Variants in ZP3 observed in about 807,000 individuals in gnomAD.
ZP3 encodes the protein zona pellucida sperm-binding protein 3.
A neutral mutation model predicts 35.6 loss-of-function variants in ZP3; 21 were observed. That is an observed-to-expected ratio of 0.59 (90% CI 0.42 to 0.85). ZP3 has a LOEUF of 0.85. Among genes scored for constraint, ZP3 ranks in the 40% least tolerant of loss-of-function variants. The pLI, the probability that ZP3 is intolerant of heterozygous loss-of-function variation, is 0.00. For synonymous variants in ZP3, 207 were observed against 214.5 expected (o/e 0.96, Z 0.31); for missense variants, 437 against 536.5 (o/e 0.81, Z 1.83).
upstream of ZP3, among the ~76,000 whole-genome samples, chr7:76,423,150 C>T (rs1342380741): frequency 1.3e-5 from 2 of 148,454 alleles, no homozygotes; most frequent in East Asian, 4.0e-4. Flanking sequence ...TATGCCCAGA[C>T]ATAAAGGAGG....
At position 76,425,015 on chromosome 7, in the gene ZP3, T is replaced by C. The variant is rs1805606486; in HGVS notation, c.51T>C (p.Thr17=). The part of the protein sequence containing the change: ...LFICLLLWGS[T]ELCYPQPLWL... ...TCTGCCTCCTGCTCTGGGGTAGTAC[T>C]GAGCTGTGCTACCCCCAACCCCTCT... Residue 17 remains threonine (T), a synonymous_variant, in exon 1 of 8, where the codon ACT becomes ACC. Transcript: ENST00000394857. 2 of 1,578,178 alleles carry C rather than the reference T, an allele frequency of 1.3e-6. No homozygotes were observed. Among genetic ancestry groups the C allele is most frequent in the Non-Finnish European group, 1.7e-6 (2 of 1,162,750 alleles).
At chr7:76,413,573 TC>T in intron 1 of ZP3, among the ~76,000 whole-genome samples, 1 of 150,746 alleles carries the variant, frequency 6.6e-6, no homozygotes, top group East Asian at 2.0e-4. Flanking sequence ...AGCCACCACT[TC>T]CTGTGAATCT....
chr7:76,399,414 G>A (rs189920077), intron 1 of ZP3, among the ~76,000 whole-genome samples: 5 of 152,240 alleles, frequency 3.3e-5, no homozygotes, highest in South Asian at 4.1e-4. Flanking sequence ...TCTGGGATTG[G>A]GCCTCAATCT....
chr7:76,423,271 T>C (rs1050069957), upstream of ZP3, among the ~76,000 whole-genome samples: 2 of 151,952 alleles, frequency 1.3e-5, no homozygotes, highest in Non-Finnish European at 2.9e-5. Context: ...TTTTTCTATC[T>C]GACTCTCCAA....
At chr7:76,398,905 C>T in intron 1 of ZP3, 1 of 1,091,988 alleles carries the variant, frequency 9.2e-7, no homozygotes, top group Non-Finnish European at 1.4e-6. Flanking sequence ...GCCGCCAGAG[C>T]CTCTGGCCAC....
chr7:76,421,582 T>A (rs181193487), upstream of ZP3, among the ~76,000 whole-genome samples: 194 of 151,820 alleles, frequency 1.3e-3, 1 homozygote, highest in Non-Finnish European at 2.3e-3. Flanking sequence ...ATTATATATA[T>A]ATACACACAC....
intron 1 of ZP3, chr7:76,398,882 C>T: frequency 7.1e-7 from 1 of 1,399,454 alleles, no homozygotes; most frequent in South Asian, 1.2e-5. Flanking sequence ...GAGGATGGAC[C>T]CATAAGGTGC....
intron 1 of ZP3, among the ~76,000 whole-genome samples, chr7:76,417,159 G>A (rs922209505): frequency 5.3e-5 from 8 of 151,702 alleles, no homozygotes; most frequent in Non-Finnish European, 8.8e-5. Flanking sequence ...CCAGGTTCAC[G>A]CGATTCTCCT....
chr7:76,404,467 T>C, intron 1 of ZP3: 3 of 1,613,702 alleles, frequency 1.9e-6, no homozygotes, highest in Non-Finnish European at 2.5e-6. Context: ...TTTCAGATGC[T>C]CCCATCAAGG....
intron 2 of ZP3, among the ~76,000 whole-genome samples, chr7:76,430,201 C>T (rs530687943): frequency 1.6e-4 from 25 of 152,196 alleles, no homozygotes; most frequent in African/African-American, 5.8e-4. Flanking sequence ...CAAAGCGATA[C>T]TCCATCGCAA....
At chr7:76,410,369 GA>G (rs1805210149) in intron 1 of ZP3, among the ~76,000 whole-genome samples, 1 of 133,698 alleles carries the variant, frequency 7.5e-6, no homozygotes, top group Admixed American at 7.7e-5. Flanking sequence ...TTTTTTTTTT[GA>G]GATGGAGTTT....
upstream of ZP3, among the ~76,000 whole-genome samples, chr7:76,420,065 G>A (rs1201701213): frequency 6.7e-6 from 1 of 149,096 alleles, no homozygotes; most frequent in East Asian, 2.0e-4. Context: ...GCCTCCCAAA[G>A]TGCTGGGATT....
At chr7:76,417,940 C>CT (rs371645836) in intron 1 of ZP3, among the ~76,000 whole-genome samples, 2,327 of 121,168 alleles carry the variant, frequency 0.019, 37 homozygotes, top group African/African-American at 0.021. Flanking sequence ...TTCTTTCTTT[C>CT]TTTTTTTTTT....
At chr7:76,414,372 G>C (rs1390716316) in intron 1 of ZP3, among the ~76,000 whole-genome samples, 3 of 152,108 alleles carry the variant, frequency 2.0e-5, no homozygotes, top group African/African-American at 2.4e-5. Context: ...GTGATAAATG[G>C]ATTCTGACAA....
intron 5 of ZP3, among the ~76,000 whole-genome samples, chr7:76,437,161 A>G (rs1163675987): frequency 2.1e-5 from 3 of 141,554 alleles, no homozygotes; most frequent in Non-Finnish European, 4.5e-5. Context: ...ACAGAGCAAG[A>G]CCCTGTGTAC....
At chr7:76,397,671 T>G in exon 1 of ZP3, 1 of 1,613,394 alleles carries the variant, frequency 6.2e-7, no homozygotes. Flanking sequence ...GCGTTGGTGG[T>G]GGCGGCCATG....
At chr7:76,441,308 T>C (rs953726883) in intron 7 of ZP3, among the ~76,000 whole-genome samples, 10 of 149,724 alleles carry the variant, frequency 6.7e-5, no homozygotes, top group African/African-American at 2.5e-4. Flanking sequence ...ACCCTGTCTC[T>C]ACAAAAAAGA....
At chr7:76,412,187 C>CAAAAAA (rs200042424) in intron 1 of ZP3, among the ~76,000 whole-genome samples, 4 of 79,596 alleles carry the variant, frequency 5.0e-5, no homozygotes, top group African/African-American at 1.5e-4. Flanking sequence ...GACTCTGTCT[C>CAAAAAA]AAAAAAAAAA....
chr7:76,440,540 C>T lies in ZP3; in HGVS notation c.989C>T (p.Pro330Leu), dbSNP rs756094155. The T allele has an allele frequency of 1.2e-6, 2 of 1,614,186 alleles. No individual in the cohort carries two copies. Among genetic ancestry groups the T allele is most frequent in the Non-Finnish European group, 1.7e-6 (2 of 1,180,042 alleles). Residue 330 changes from proline to leucine, a missense_variant, in exon 7 of 8, where the codon CCA (proline) becomes CTA (leucine). By Grantham distance (98) the Pro-to-Leu change is moderately conservative (BLOSUM62 -3). Coordinates refer to ENST00000394857, the MANE Select transcript of ZP3 (RefSeq NM_001110354.2). ...TGTAACAAAGGTGACTGTGGCACTC[C>T]AAGCCATTCCAGGAGGCAGCCTCAT... ...QCCNKGDCGTPSHSRRQPHVM... is the reference protein window; with the variant it reads ...QCCNKGDCGTLSHSRRQPHVM...
Sources: gnomAD v4.1 joint callset for allele counts (sites outside exome capture counted in the v4.1 genomes callset) on GRCh38, gnomAD v4.1.1 for gene constraint, MANE v1.5 for transcripts, NCBI Gene and HGNC (gene_info 2026-07-23, HGNC 2026-07-21) for gene names.